The following KAT2B variants were observed in gnomAD, a reference collection of about 807,000 sequenced individuals.
KAT2B encodes lysine acetyltransferase 2B.
A neutral mutation model predicts 105.9 loss-of-function variants in KAT2B; 36 were observed. The ratio of observed to expected loss-of-function variants is 0.34; its 90% CI spans 0.26 to 0.45. The LOEUF is 0.45. Among genes scored for constraint, KAT2B ranks in the 20% least tolerant of loss-of-function variants. The pLI is 1.00. For missense variants in KAT2B, 820 were observed against 1,021.6 expected (o/e 0.80, Z 2.69); for synonymous variants, 397 against 377.9 (o/e 1.05, Z -0.59).
At chr3:20,048,631 C>T (rs774251405) in intron 1 of KAT2B, among the ~76,000 whole-genome samples, 1 of 152,086 alleles carries the variant, frequency 6.6e-6, no homozygotes, top group African/African-American at 2.4e-5. Context: ...CCGTGTAGTG[C>T]CAATAAAATT....
chr3:20,052,899 C>A (rs1020863027), intron 1 of KAT2B, among the ~76,000 whole-genome samples: 1 of 152,126 alleles, frequency 6.6e-6, no homozygotes, highest in Admixed American at 6.5e-5. Context: ...TCACTTGAAC[C>A]CAGGAGGCGG....
intron 11 of KAT2B, among the ~76,000 whole-genome samples, chr3:20,133,172 TTGA>T: frequency 6.6e-6 from 1 of 152,356 alleles, no homozygotes; most frequent in South Asian, 2.1e-4. Flanking sequence ...TACTTTGGTA[TTGA>T]CACATATATT....
At chr3:20,077,350 A>C (rs1415732306) in intron 2 of KAT2B, among the ~76,000 whole-genome samples, 3 of 152,268 alleles carry the variant, frequency 2.0e-5, no homozygotes. Flanking sequence ...CTCTAACAAA[A>C]CAAAACCAAG....
chr3:20,146,637 C>G, intron 14 of KAT2B: 1 of 410,788 alleles, frequency 2.4e-6, no homozygotes, highest in Non-Finnish European at 4.4e-6. Flanking sequence ...AGCTTAGATG[C>G]CCCCTTGTAA....
At chr3:20,070,556 G>C (rs546480401) in intron 1 of KAT2B, among the ~76,000 whole-genome samples, 1 of 149,818 alleles carries the variant, frequency 6.7e-6, no homozygotes, top group Non-Finnish European at 1.5e-5. Context: ...CGCCCACCTC[G>C]GCCTCCCAAA....
intron 1 of KAT2B, among the ~76,000 whole-genome samples, chr3:20,062,002 T>TAATATATATTATATATAAAAC (rs1698118016): frequency 1.4e-5 from 1 of 71,356 alleles, no homozygotes; most frequent in African/African-American, 5.9e-5. Flanking sequence ...ATATAAAACA[T>TAATATATATTATATATAAAAC]ATAATATATA....
chr3:20,075,720 TC>T (rs1211771167), intron 2 of KAT2B, among the ~76,000 whole-genome samples: 1 of 152,008 alleles, frequency 6.6e-6, no homozygotes, highest in Non-Finnish European at 1.5e-5. Flanking sequence ...GAGTGAAGCT[TC>T]CTTGCCCTCT....
intron 5 of KAT2B, among the ~76,000 whole-genome samples, chr3:20,109,548 G>T (rs569675313): frequency 6.6e-6 from 1 of 152,076 alleles, no homozygotes; most frequent in Non-Finnish European, 1.5e-5. Flanking sequence ...GAACTCCTGG[G>T]CTCAAGCGAT....
intron 1 of KAT2B, among the ~76,000 whole-genome samples, chr3:20,054,249 C>CTCCT (rs938017837): frequency 3.3e-5 from 5 of 152,092 alleles, no homozygotes; most frequent in Non-Finnish European, 7.3e-5. Context: ...CTGCCTCAGC[C>CTCCT]TCCTGAGTAG....
intron 2 of KAT2B, among the ~76,000 whole-genome samples, chr3:20,093,370 C>G (rs1457271242): frequency 6.6e-6 from 1 of 152,028 alleles, no homozygotes; most frequent in East Asian, 1.9e-4. Context: ...GTATTTATAC[C>G]CTAACTTCTT....
intron 7 of KAT2B, among the ~76,000 whole-genome samples, chr3:20,118,932 A>G (rs1393930979): frequency 6.6e-6 from 1 of 151,874 alleles, no homozygotes; most frequent in Non-Finnish European, 1.5e-5. Flanking sequence ...AGCAAATGTA[A>G]CATTGATATA....
At chr3:20,077,487 C>T (rs1018058928) in intron 2 of KAT2B, among the ~76,000 whole-genome samples, 4 of 152,184 alleles carry the variant, frequency 2.6e-5, no homozygotes, top group Admixed American at 6.5e-5. Context: ...CCACTGGCCA[C>T]ATGAAATGTG....
intron 1 of KAT2B, among the ~76,000 whole-genome samples, chr3:20,065,495 G>A (rs1326652657): frequency 6.6e-6 from 1 of 152,196 alleles, no homozygotes; most frequent in Non-Finnish European, 1.5e-5. Context: ...AGGCCAAAGT[G>A]GAGGGCATGG....
rs1699897127 is a variant in KAT2B, at chr3:20,153,128, A to G, written c.*603A>G. ...AAGCAACTGCTTTGGTTCCTAAGGA[A>G]GAAATTCTAAATAATGCAAACTTTT... On this transcript the variant is annotated 3_prime_UTR_variant, in exon 18 of 18. Coordinates refer to ENST00000263754, the MANE Select transcript of KAT2B (RefSeq NM_003884.5). 1 of 152,622 alleles carries G rather than the reference A, an allele frequency of 6.6e-6. No homozygotes were observed. Among genetic ancestry groups the G allele is most frequent in the Non-Finnish European group, 1.5e-5 (1 of 67,996 alleles). The allele number at this position is 152,622 out of a possible 1,614,324, so 9.5% of individuals were successfully genotyped here. A position where few individuals can be genotyped will look rare whatever the true frequency, so the allele number is the denominator to read the frequency against.
intron 5 of KAT2B, among the ~76,000 whole-genome samples, chr3:20,104,805 G>C (rs569095251): frequency 1.3e-5 from 2 of 152,128 alleles, no homozygotes; most frequent in African/African-American, 4.8e-5. Context: ...AAAATTAAAA[G>C]CAGACTGAAC....
At chr3:20,122,007 C>A (rs957877298) in intron 8 of KAT2B, among the ~76,000 whole-genome samples, 3 of 151,936 alleles carry the variant, frequency 2.0e-5, no homozygotes, top group Admixed American at 6.6e-5. Context: ...GATTTCCGTA[C>A]ATATATGGTG....
At chr3:20,100,629 A>G (rs1336658770) in intron 4 of KAT2B, among the ~76,000 whole-genome samples, 2 of 152,196 alleles carry the variant, frequency 1.3e-5, no homozygotes, top group Non-Finnish European at 2.9e-5. Flanking sequence ...CATTTTTATC[A>G]GTCAGTTTTC....
At chr3:20,095,175 C>T (rs149320266) in intron 2 of KAT2B, 88 bp from the exon 3 acceptor site, 10 of 1,063,768 alleles carry the variant, frequency 9.4e-6, no homozygotes, top group Middle Eastern at 2.2e-4. Flanking sequence ...GATGGTAAGA[C>T]TGATGAAAGA....
intron 14 of KAT2B, among the ~76,000 whole-genome samples, chr3:20,147,026 AGAGTT>A (rs1432973775): frequency 3.3e-5 from 5 of 152,224 alleles, no homozygotes; most frequent in Admixed American, 2.0e-4. Context: ...TCTGTATGTT[AGAGTT>A]GAGTTGTGTT....
Sources: allele counts gnomAD v4.1 joint callset (sites outside exome capture counted in the v4.1 genomes callset), GRCh38; gene constraint gnomAD v4.1.1; transcripts MANE v1.5; gene names NCBI Gene and HGNC (gene_info 2026-07-23, HGNC 2026-07-21).